The following ZRANB1 variants were observed in gnomAD, a reference collection of about 807,000 sequenced individuals.
ZRANB1 encodes the protein zinc finger RANBP2-type containing 1.
A neutral mutation model predicts 80.5 loss-of-function variants in ZRANB1; 16 were observed. The ratio of observed to expected loss-of-function variants is 0.20; its 90% CI spans 0.13 to 0.30. ZRANB1 has a LOEUF of 0.30. Ranked by LOEUF, ZRANB1 falls within the 10% of genes least tolerant of loss-of-function variation. ZRANB1 has a pLI of 1.00. For synonymous variants in ZRANB1, 291 were observed against 293.1 expected (o/e 0.99, Z 0.07); for missense variants, 576 against 862.6 (o/e 0.67, Z 4.16).
At chr10:124,981,415 C>G (rs530530099) in intron 5 of ZRANB1, 46 of 136,228 alleles carry the variant, frequency 3.4e-4, no homozygotes, top group African/African-American at 1.4e-3. Flanking sequence ...TTTTTGTAAA[C>G]TAATTGTGGA....
chr10:124,922,264 T>TATATATATATATATGTAAAAA, the ZRANB1 span, among the ~76,000 whole-genome samples: 1 of 108,494 alleles, frequency 9.2e-6, no homozygotes, highest in East Asian at 2.4e-4. Flanking sequence ...ATGTAAAATA[T>TATATATATATATATGTAAAAA]ATATATATAT....
the ZRANB1 span, among the ~76,000 whole-genome samples, chr10:124,931,532 G>A: frequency 3.3e-5 from 5 of 152,034 alleles, no homozygotes; most frequent in Admixed American, 1.3e-4. Context: ...CACGACTCCC[G>A]GCTAATTTTT....
intron 1 of ZRANB1, among the ~76,000 whole-genome samples, chr10:124,944,219 A>G (rs1951560446): frequency 6.6e-6 from 1 of 151,958 alleles, no homozygotes; most frequent in Admixed American, 6.6e-5. Context: ...TTTGATTTTT[A>G]TTAAATTATT....
rs1348841236 is a variant in ZRANB1, at chr10:124,986,289, G to GCA, written c.*1298_*1299insAC. 21 of 108,434 alleles carry GCA rather than the reference G, an allele frequency of 1.9e-4. No individual in the cohort carries two copies. Among genetic ancestry groups the GCA allele is most frequent in the African/African-American group, 7.6e-4 (21 of 27,622 alleles). The allele number at this position is 108,434 out of a possible 1,614,324, so 6.7% of individuals were successfully genotyped here. ...AAAGACGACACACGCACGCGCGCGC[G>GCA]CGCACACACACACACACACACACAC... On this transcript the variant is annotated 3_prime_UTR_variant, in exon 9 of 9. Coordinates refer to ENST00000359653, the MANE Select transcript of ZRANB1 (RefSeq NM_017580.3).
intron 2 of ZRANB1, among the ~76,000 whole-genome samples, chr10:124,967,993 G>C (rs1003406553): frequency 6.6e-6 from 1 of 151,934 alleles, no homozygotes. Flanking sequence ...CTGCCTCCTG[G>C]GTTCAAGCGA....
chr10:124,939,197 T>G (rs995252522), upstream of ZRANB1, among the ~76,000 whole-genome samples: 7 of 151,752 alleles, frequency 4.6e-5, no homozygotes, highest in South Asian at 2.1e-4. Context: ...ATCGTGTTTT[T>G]TTTTTTTTTT....
At chr10:124,932,075 G>A in the ZRANB1 span, among the ~76,000 whole-genome samples, 1 of 152,044 alleles carries the variant, frequency 6.6e-6, no homozygotes, top group Non-Finnish European at 1.5e-5. Context: ...TTATGTAACT[G>A]TTTCAGGTTG....
At chr10:124,982,905 TTAG>T (rs1473952110) in intron 6 of ZRANB1, among the ~76,000 whole-genome samples, 2 of 152,088 alleles carry the variant, frequency 1.3e-5, no homozygotes, top group African/African-American at 4.8e-5. Flanking sequence ...GGTTGGAGAG[TTAG>T]TAGTGAGGGA....
At chr10:124,954,408 A>C (rs771724253) in intron 1 of ZRANB1, among the ~76,000 whole-genome samples, 1 of 151,038 alleles carries the variant, frequency 6.6e-6, no homozygotes, top group African/African-American at 2.4e-5. Context: ...AAAGACAACA[A>C]CACAAAAATG....
chr10:124,953,039 C>G (rs1951655247), intron 1 of ZRANB1, among the ~76,000 whole-genome samples: 1 of 151,946 alleles, frequency 6.6e-6, no homozygotes, highest in Non-Finnish European at 1.5e-5. Context: ...ATTCTCCTGC[C>G]TCAGCCTCCC....
At chr10:124,955,975 C>T (rs143004136) in intron 1 of ZRANB1, among the ~76,000 whole-genome samples, 6 of 152,196 alleles carry the variant, frequency 3.9e-5, no homozygotes, top group East Asian at 3.9e-4. Context: ...GGCAAATGGG[C>T]GGTGATGGCA....
At chr10:124,957,149 T>G (rs1393872954) in intron 1 of ZRANB1, among the ~76,000 whole-genome samples, 1 of 149,194 alleles carries the variant, frequency 6.7e-6, no homozygotes, top group Non-Finnish European at 1.5e-5. Context: ...CTCTTCAGTC[T>G]TCTCTAATCT....
chr10:124,969,982 TGGTTTTTGGAAAGGTCTTTCCA>T (rs1278263575), intron 2 of ZRANB1, among the ~76,000 whole-genome samples: 1 of 152,018 alleles, frequency 6.6e-6, no homozygotes, highest in Non-Finnish European at 1.5e-5. Flanking sequence ...CCAGTCCAGG[TGGTTTTTGGAAAGGTCTTTCCA>T]GGTTTTTGGA....
chr10:124,924,661 G>A, the ZRANB1 span, among the ~76,000 whole-genome samples: 1 of 151,996 alleles, frequency 6.6e-6, no homozygotes, highest in Non-Finnish European at 1.5e-5. Context: ...CCTTTTTGTG[G>A]CTGGCTGATA....
At chr10:124,962,303 C>T in intron 1 of ZRANB1, 1 of 816,518 alleles carries the variant, frequency 1.2e-6, no homozygotes, top group Non-Finnish European at 1.5e-6. Context: ...TGAAATTGTG[C>T]CAGCCGACTC....
At chr10:124,977,385 T>C (rs1951886922) in intron 5 of ZRANB1, among the ~76,000 whole-genome samples, 1 of 150,706 alleles carries the variant, frequency 6.6e-6, no homozygotes, top group Non-Finnish European at 1.5e-5. Context: ...ATCTTATGAG[T>C]GAGTTGTCAC....
intron 1 of ZRANB1, among the ~76,000 whole-genome samples, chr10:124,958,103 C>T (rs1951701603): frequency 6.6e-6 from 1 of 152,208 alleles, no homozygotes; most frequent in African/African-American, 2.4e-5. Context: ...ATCCTTTCCT[C>T]AGTTGATGAA....
chr10:124,981,065 A>G (rs755358917), intron 5 of ZRANB1, among the ~76,000 whole-genome samples: 5 of 152,258 alleles, frequency 3.3e-5, no homozygotes, highest in Non-Finnish European at 7.3e-5. Flanking sequence ...GCTTGTTTTT[A>G]TAAGACAGTG....
At chr10:124,979,834 A>G (rs1344325435) in intron 5 of ZRANB1, among the ~76,000 whole-genome samples, 6 of 152,248 alleles carry the variant, frequency 3.9e-5, no homozygotes, top group Admixed American at 3.3e-4. Context: ...CCATAAAAGT[A>G]AGGGTTTGTT....
Sources: allele counts gnomAD v4.1 joint callset (sites outside exome capture counted in the v4.1 genomes callset), GRCh38; gene constraint gnomAD v4.1.1; transcripts MANE v1.5; gene names NCBI Gene and HGNC (gene_info 2026-07-23, HGNC 2026-07-21).